The following UBN2 variants were observed in gnomAD, a reference collection of about 807,000 sequenced individuals.
UBN2 encodes ubinuclein-2.
UBN2 carries 35 observed loss-of-function variants against 120.2 expected under a neutral mutation model. The ratio of observed to expected loss-of-function variants is 0.29; its 90% CI spans 0.22 to 0.39. The LOEUF is 0.39. Ranked by LOEUF, UBN2 falls within the 10% of genes least tolerant of loss-of-function variation. The pLI is 1.00. For synonymous variants in UBN2, 661 were observed against 648.7 expected (o/e 1.02, Z -0.29); for missense variants, 1,693 against 1,663.2 (o/e 1.02, Z -0.31).
At chr7:139,326,376 A>AAT in the UBN2 span, among the ~76,000 whole-genome samples, 2 of 152,202 alleles carry the variant, frequency 1.3e-5, no homozygotes, top group Non-Finnish European at 2.9e-5. Context: ...TCTCAGCTCA[A>AAT]ATATCACCTT....
At chr7:139,249,617 C>T (rs920818783) in intron 2 of UBN2, among the ~76,000 whole-genome samples, 4 of 152,212 alleles carry the variant, frequency 2.6e-5, no homozygotes, top group Non-Finnish European at 5.9e-5. Context: ...TTACATCTTG[C>T]ATCTCATGCT....
At chr7:139,235,747 T>G (rs1429832228) in intron 1 of UBN2, among the ~76,000 whole-genome samples, 1 of 152,224 alleles carries the variant, frequency 6.6e-6, no homozygotes, top group Non-Finnish European at 1.5e-5. Context: ...ATTCTATAAA[T>G]TTATTACTTA....
chr7:139,297,447 C>T (rs1462616269), intron 17 of UBN2, among the ~76,000 whole-genome samples: 2 of 151,934 alleles, frequency 1.3e-5, no homozygotes, highest in East Asian at 1.9e-4. Flanking sequence ...GTGGGTCCCT[C>T]GGAGGTAGGA....
intron 17 of UBN2, among the ~76,000 whole-genome samples, chr7:139,296,722 A>G (rs1563230657): frequency 6.6e-6 from 1 of 152,214 alleles, no homozygotes; most frequent in Non-Finnish European, 1.5e-5. Flanking sequence ...AAACAGCAGT[A>G]TGTAAAAATA....
the UBN2 span, among the ~76,000 whole-genome samples, chr7:139,317,087 TA>T: frequency 0.034 from 5,124 of 151,894 alleles, 294 homozygotes; most frequent in African/African-American, 0.12. Context: ...CCAATGTTCC[TA>T]AATTTCATTA....
In UBN2 at chr7:139,306,928, C is replaced by G. The variant is rs755231288; in HGVS notation, c.*9092C>G. On this transcript the variant is annotated 3_prime_UTR_variant, in exon 18 of 18. Coordinates refer to ENST00000473989, the MANE Select transcript of UBN2 (RefSeq NM_173569.4). ...CATTTGCAGTTGTAAAAATGATTACCGAACTCCAGACCTATTTGCTATAAC... is the reference window on the plus strand; with the variant it reads ...CATTTGCAGTTGTAAAAATGATTACGGAACTCCAGACCTATTTGCTATAAC... 2 of 152,102 alleles carry G rather than the reference C, an allele frequency of 1.3e-5. No homozygotes were observed. Among genetic ancestry groups the G allele is most frequent in the Non-Finnish European group, 2.9e-5 (2 of 68,016 alleles). 9.4% of individuals were successfully genotyped at this position (152,102 alleles called of 1,614,324 possible).
the UBN2 span, among the ~76,000 whole-genome samples, chr7:139,330,136 G>A: frequency 9.9e-5 from 15 of 152,082 alleles, no homozygotes; most frequent in African/African-American, 3.6e-4. Context: ...TCATATTATA[G>A]GGTGCCCCCT....
chr7:139,284,724 A>G lies in UBN2; in HGVS notation c.3669+150A>G, dbSNP rs1445099524. 14 of 711,142 alleles carry G rather than the reference A, an allele frequency of 2.0e-5. No homozygotes were observed. In the East Asian group the frequency reaches 3.8e-4, roughly 19 times the overall value. The allele number at this position is 711,142 out of a possible 1,614,324, so 44.1% of individuals were successfully genotyped here. A position where few individuals can be genotyped will look rare whatever the true frequency, so the allele number is the denominator to read the frequency against. On this transcript the variant is annotated intron_variant, in intron 15 of 17. Transcript: ENST00000473989. ...CAGCCATGGAATGTTCCTGATGCTGACATCACAGTGACAGGCACACTTGTA... is the reference window on the plus strand; with the variant it reads ...CAGCCATGGAATGTTCCTGATGCTGGCATCACAGTGACAGGCACACTTGTA...
At chr7:139,309,284 G>A (rs1427601852), downstream of UBN2, among the ~76,000 whole-genome samples, 1 of 152,156 alleles carries the variant, frequency 6.6e-6, no homozygotes, top group Non-Finnish European at 1.5e-5. Context: ...CCTTTTAAGT[G>A]TATTTTCAGT....
intron 2 of UBN2, among the ~76,000 whole-genome samples, chr7:139,239,676 A>G (rs1388472625): frequency 4.1e-5 from 6 of 145,652 alleles, no homozygotes; most frequent in Admixed American, 6.9e-5. Context: ...TCCTGCCTCA[A>G]CCTCCCAAGT....
intron 7 of UBN2, among the ~76,000 whole-genome samples, chr7:139,269,177 C>T (rs952330088): frequency 1.3e-5 from 2 of 152,040 alleles, no homozygotes; most frequent in African/African-American, 4.8e-5. Flanking sequence ...CCATTGCACT[C>T]CAACCTGGGC....
rs369344851 is a variant in UBN2 at position 139,237,113 on chromosome 7, T to C, written c.561+16T>C. ...AATGAAATATGTGAGTATAATAAAC[T>C]GATCACTTAGGTAATTTTATCCTAT... is the stretch of plus-strand genomic sequence containing the variant. On this transcript the variant is annotated intron_variant, in intron 2 of 17. Transcript: ENST00000473989. The C allele has an allele frequency of 9.6e-6, 15 of 1,569,182 alleles. No individual in the cohort carries two copies. The highest frequency in any genetic ancestry group is 1.7e-4 in the Middle Eastern group (1 of 5,948).
chr7:139,288,137 T>G (rs971699173), intron 15 of UBN2, among the ~76,000 whole-genome samples: 15 of 152,154 alleles, frequency 9.9e-5, no homozygotes, highest in Non-Finnish European at 2.2e-4. Context: ...TTATTGAGTG[T>G]TTACTATGTG....
intron 6 of UBN2, among the ~76,000 whole-genome samples, chr7:139,265,180 T>G (rs1037727851): frequency 2.6e-5 from 4 of 152,168 alleles, no homozygotes; most frequent in Non-Finnish European, 5.9e-5. Context: ...TTCATGTTCT[T>G]AGGATCACAA....
At chr7:139,262,163 G>T (rs983445273) in intron 6 of UBN2, among the ~76,000 whole-genome samples, 1 of 151,846 alleles carries the variant, frequency 6.6e-6, no homozygotes, top group Non-Finnish European at 1.5e-5. Flanking sequence ...GTGCAGTGGC[G>T]TGCTCTGCTC....
intron 2 of UBN2, among the ~76,000 whole-genome samples, chr7:139,246,507 G>A (rs1796473779): frequency 6.6e-6 from 1 of 152,186 alleles, no homozygotes; most frequent in Non-Finnish European, 1.5e-5. Flanking sequence ...AAGATTTATG[G>A]GGAGAGACAC....
the UBN2 span, among the ~76,000 whole-genome samples, chr7:139,316,906 CT>C: frequency 6.8e-6 from 1 of 146,246 alleles, no homozygotes. Context: ...ATTTTTTTTT[CT>C]TTTTTTTGGT....
At position 139,302,047 on chromosome 7, in the gene UBN2, T is replaced by TA. The variant is rs2131086722; in HGVS notation, c.*4215dup. 1.3e-5 allele frequency: 2 copies of TA among 152,322 alleles called. No individual in the cohort carries two copies. The highest frequency in any genetic ancestry group is 4.8e-5 in the African/African-American group (2 of 41,580). 9.4% of individuals were successfully genotyped at this position (152,322 alleles called of 1,614,324 possible). ...TGGTAAAATGCTTATATTACTCCTCTAAAACATGCTCAATTCAGGCCTTTG... is the reference window on the plus strand; with the variant it reads ...TGGTAAAATGCTTATATTACTCCTCTAAAAACATGCTCAATTCAGGCCTTTG... On this transcript the variant is annotated 3_prime_UTR_variant, in exon 18 of 18. Coordinates refer to ENST00000473989, the MANE Select transcript of UBN2 (RefSeq NM_173569.4).
At chr7:139,323,832 A>G in the UBN2 span, among the ~76,000 whole-genome samples, 1 of 151,566 alleles carries the variant, frequency 6.6e-6, no homozygotes, top group Non-Finnish European at 1.5e-5. Flanking sequence ...TTTTTTTTGT[A>G]CTCATGCAAG....
Sources: allele counts gnomAD v4.1 joint callset (sites outside exome capture counted in the v4.1 genomes callset), GRCh38; gene constraint gnomAD v4.1.1; transcripts MANE v1.5; gene names NCBI Gene and HGNC (gene_info 2026-07-23, HGNC 2026-07-21).